Variants in ATG10 observed in about 807,000 individuals in gnomAD.
ATG10 encodes the protein autophagy related 10, also known as ubiquitin-like-conjugating enzyme ATG10.
Under a neutral mutation model 32.1 loss-of-function variants are expected in ATG10, and 30 were observed. The ratio of observed to expected loss-of-function variants is 0.94; its 90% CI spans 0.70 to 1.27. ATG10 has a LOEUF of 1.27. Ranked by LOEUF, ATG10 falls within the 50% of genes most tolerant of loss-of-function variation. The probability of loss-of-function intolerance (pLI) is 0.00; values close to 1 mark genes in which losing one functional copy is unlikely to be tolerated. For synonymous variants in ATG10, 87 were observed against 91.5 expected, an observed-to-expected ratio of 0.95 and a Z score of 0.28; for missense variants, 233 against 262.3, an observed-to-expected ratio of 0.89 and a Z score of 0.77.
intron 2 of ATG10, among the ~76,000 whole-genome samples, chr5:82,032,968 T>C (rs1004911739): frequency 2.6e-5 from 4 of 152,120 alleles, no homozygotes; most frequent in African/African-American, 9.7e-5. Context: ...GCTCATGCAT[T>C]TTCTAACCAT....
chr5:82,021,221 T>A (rs1255717409), intron 2 of ATG10, among the ~76,000 whole-genome samples: 1 of 152,196 alleles, frequency 6.6e-6, no homozygotes, highest in Non-Finnish European at 1.5e-5. Context: ...GAATTTGGTA[T>A]TGAATAGTAG....
intron 2 of ATG10, among the ~76,000 whole-genome samples, chr5:82,003,580 ATGG>A (rs1194812079): frequency 1.1e-4 from 16 of 152,320 alleles, no homozygotes; most frequent in African/African-American, 3.8e-4. Context: ...ATAAATAACA[ATGG>A]ATGTAATTGT....
intron 3 of ATG10, among the ~76,000 whole-genome samples, chr5:82,118,156 C>T (rs897335218): frequency 9.3e-5 from 14 of 151,170 alleles, no homozygotes; most frequent in African/African-American, 3.4e-4. Flanking sequence ...TTATTTTTGA[C>T]TTTTCTGGTT....
At chr5:82,022,188 CAA>C (rs1243283026) in intron 2 of ATG10, among the ~76,000 whole-genome samples, 1 of 131,054 alleles carries the variant, frequency 7.6e-6, no homozygotes, top group Non-Finnish European at 1.6e-5. Flanking sequence ...TACTCCGTCT[CAA>C]AAAAAAAAAA....
chr5:82,128,611 T>C (rs1766379421), intron 3 of ATG10, among the ~76,000 whole-genome samples: 1 of 151,198 alleles, frequency 6.6e-6, no homozygotes, highest in Non-Finnish European at 1.5e-5. Flanking sequence ...TGTTGAATAT[T>C]GGCCCCCACT....
intron 3 of ATG10, among the ~76,000 whole-genome samples, chr5:82,100,274 T>TGG (rs1765223964): frequency 6.6e-6 from 1 of 152,130 alleles, no homozygotes; most frequent in South Asian, 2.1e-4. Context: ...CCCAAAGTGC[T>TGG]GGGATTATAG....
intron 5 of ATG10, among the ~76,000 whole-genome samples, chr5:82,189,314 T>G (rs527511685): frequency 4.1e-4 from 62 of 152,368 alleles, no homozygotes; most frequent in African/African-American, 1.4e-3. Flanking sequence ...GCCAATTAAA[T>G]ACATTGCTTT....
intron 3 of ATG10, among the ~76,000 whole-genome samples, chr5:82,120,682 C>T (rs1026628331): frequency 1.3e-5 from 2 of 151,900 alleles, no homozygotes; most frequent in Non-Finnish European, 2.9e-5. Context: ...GCCCCAGCCA[C>T]TTTCCCTAAC....
intron 3 of ATG10, among the ~76,000 whole-genome samples, chr5:82,089,212 C>T (rs953573852): frequency 2.0e-5 from 3 of 151,922 alleles, no homozygotes; most frequent in Admixed American, 6.6e-5. Context: ...CATGGTGGTG[C>T]ATGCCTGAAA....
At chr5:82,067,114 T>G (rs1483287903) in intron 3 of ATG10, among the ~76,000 whole-genome samples, 1 of 152,170 alleles carries the variant, frequency 6.6e-6, no homozygotes, top group Non-Finnish European at 1.5e-5. Flanking sequence ...TAACTGTGAA[T>G]GTAGCAGACC....
At chr5:81,988,441 A>C (rs1196413107) in intron 2 of ATG10, among the ~76,000 whole-genome samples, 1 of 151,670 alleles carries the variant, frequency 6.6e-6, no homozygotes, top group East Asian at 1.9e-4. Context: ...ACCCAGCCCC[A>C]AATTTTTTTG....
At chr5:82,238,543 T>G (rs1358372791) in intron 5 of ATG10, among the ~76,000 whole-genome samples, 1 of 152,216 alleles carries the variant, frequency 6.6e-6, no homozygotes, top group Non-Finnish European at 1.5e-5. Flanking sequence ...GCTGCTGTTT[T>G]ATGTATTTCT....
At chr5:82,181,249 G>A (rs1400161098) in intron 5 of ATG10, among the ~76,000 whole-genome samples, 5 of 152,106 alleles carry the variant, frequency 3.3e-5, no homozygotes, top group Non-Finnish European at 5.9e-5. Context: ...ATTGGGATTT[G>A]ATCTGTGAAC....
intron 2 of ATG10, among the ~76,000 whole-genome samples, chr5:82,032,806 T>G (rs932854834): frequency 6.6e-6 from 1 of 151,778 alleles, no homozygotes; most frequent in African/African-American, 2.4e-5. Context: ...ATTTAGTGAT[T>G]GCTATGTGCC....
chr5:82,246,328 C>T lies in ATG10; in HGVS notation c.454-6234C>T, dbSNP rs1305027178. Among the ~76,000 whole-genome samples the T allele has an allele frequency of 3.5e-4, 53 of 152,000 alleles. 1 individual carries two copies. The highest frequency in any genetic ancestry group is 3.5e-3 in the Admixed American group (53 of 15,254). On this transcript the variant is annotated intron_variant, in intron 5 of 7. Transcript: ENST00000282185. ...TCAAGTGATCTGCCTACCTCAGCCT[C>T]CCAAAGTGCTGGGATTACAGGTGTG...
At chr5:82,223,248 A>G (rs1163251644) in intron 5 of ATG10, among the ~76,000 whole-genome samples, 2 of 152,244 alleles carry the variant, frequency 1.3e-5, no homozygotes, top group Non-Finnish European at 2.9e-5. Flanking sequence ...TAGGTCAGAA[A>G]AGAATGCATC....
intron 2 of ATG10, among the ~76,000 whole-genome samples, chr5:82,015,752 C>T (rs1321036244): frequency 6.6e-6 from 1 of 152,150 alleles, no homozygotes; most frequent in South Asian, 2.1e-4. Context: ...AGGTTTTTAG[C>T]TTCTTTGTGA....
chr5:82,032,807 G>T (rs1762780618), intron 2 of ATG10, among the ~76,000 whole-genome samples: 1 of 151,608 alleles, frequency 6.6e-6, no homozygotes, highest in Non-Finnish European at 1.5e-5. Context: ...TTTAGTGATT[G>T]CTATGTGCCA....
chr5:82,031,383 G>T (rs909057039), intron 2 of ATG10, among the ~76,000 whole-genome samples: 1 of 152,136 alleles, frequency 6.6e-6, no homozygotes, highest in Non-Finnish European at 1.5e-5. Context: ...AACACACATA[G>T]GTTATCAAGA....
Sources: allele counts gnomAD v4.1 joint callset (sites outside exome capture counted in the v4.1 genomes callset), GRCh38; gene constraint gnomAD v4.1.1; transcripts MANE v1.5; gene names NCBI Gene and HGNC (gene_info 2026-07-23, HGNC 2026-07-21).